Variants in SQOR observed in about 807,000 individuals in gnomAD.
The protein encoded by SQOR is sulfide quinone oxidoreductase.
SQOR carries 39 observed loss-of-function variants against 48.6 expected under a neutral mutation model. The ratio of observed to expected loss-of-function variants is 0.80; its 90% confidence interval spans 0.62 to 1.05. SQOR has a LOEUF of 1.05. Among genes scored for constraint, SQOR ranks in the 50% least tolerant of loss-of-function variants. The probability of loss-of-function intolerance (pLI) is 0.00; values close to 1 mark genes in which losing one functional copy is unlikely to be tolerated. For missense variants in SQOR, 561 were observed against 559.9 expected (o/e 1.00, Z -0.02); for synonymous variants, 220 against 206.2 (o/e 1.07, Z -0.57).
intron 6 of SQOR, among the ~76,000 whole-genome samples, chr15:45,681,154 G>C (rs1406944895): frequency 2.0e-5 from 3 of 152,242 alleles, no homozygotes; most frequent in Non-Finnish European, 2.9e-5. Context: ...AGTGAGCTAT[G>C]ATCAAGCCAC....
Position 45,673,724 on chromosome 15 carries a change from A to C in SQOR, c.577A>C (p.Thr193Pro). Residue 193 changes from threonine to proline, a missense_variant, in exon 5 of 10, where the codon ACC becomes CCC. By Grantham distance (38) the Thr-to-Pro change is conservative (BLOSUM62 -1). Transcript: ENST00000260324. ...CTTCAAAGAGGGCAATGCCATCTTC[A>C]CCTTCCCAAATACTCCAGTGAAGTG... is the stretch of plus-strand genomic sequence containing the variant. ...QDFKEGNAIF[T>P]FPNTPVKCAG... 2 of 1,614,236 alleles carry C rather than the reference A, an allele frequency of 1.2e-6. No homozygotes were observed. Among genetic ancestry groups the C allele is most frequent in the Non-Finnish European group, 1.7e-6 (2 of 1,180,038 alleles).
At chr15:45,656,157 T>A (rs1376824335) in intron 1 of SQOR, among the ~76,000 whole-genome samples, 1 of 152,132 alleles carries the variant, frequency 6.6e-6, no homozygotes, top group Non-Finnish European at 1.5e-5. Context: ...TATATAACTT[T>A]GAGAGTCACT....
In SQOR at chr15:45,658,991, G is replaced by A. The variant is rs1219532967; in HGVS notation, c.68G>A (p.Gly23Asp). 4 of 1,601,816 alleles carry A rather than the reference G, an allele frequency of 2.5e-6. No homozygotes were observed. The highest frequency in any genetic ancestry group is 1.7e-5 in the Admixed American group (1 of 58,486). The change falls in exon 2 of 10, where the codon GGC becomes GAC. Residue 23 changes from glycine (G) to aspartate (D), a missense_variant. By Grantham distance (94) the Gly-to-Asp change is moderately conservative. Transcript: ENST00000260324. Reference protein sequence around the residue: ...AQLFACLLRLGTQQVGPLQLH... With the variant: ...AQLFACLLRLDTQQVGPLQLH... ...CTCTTTGCCTGCCTGCTCAGGCTGG[G>A]CACTCAGCAGGTCGGCCCCCTTCAG...
chr15:45,691,143 A>G lies in SQOR; in HGVS notation c.*113A>G. On this transcript the variant is annotated 3_prime_UTR_variant, in exon 10 of 10. Transcript: ENST00000260324. The stretch of plus-strand genomic sequence containing the variant: ...ACCTATCCTTGTAAAGAGTTCCTTG[A>G]TGGGTAATGGTGACCAAATGCCTCC... 1 of 919,472 alleles carries G rather than the reference A, an allele frequency of 1.1e-6. No individual in the cohort carries two copies. The highest frequency in any genetic ancestry group is 1.3e-5 in the South Asian group (1 of 74,564). The allele number at this position is 919,472 out of a possible 1,614,324, so 57.0% of individuals were successfully genotyped here.
chr15:45,660,989 G>A (rs1444760402), intron 2 of SQOR, among the ~76,000 whole-genome samples: 1 of 152,058 alleles, frequency 6.6e-6, no homozygotes, highest in Admixed American at 6.6e-5. Flanking sequence ...CTTAGATCAA[G>A]AATGGACTGT....
chr15:45,660,321 A>G, intron 2 of SQOR, among the ~76,000 whole-genome samples: 1 of 152,190 alleles, frequency 6.6e-6, no homozygotes, highest in Non-Finnish European at 1.5e-5. Context: ...AGAGGAAACT[A>G]GGGGGCAGTC....
upstream of SQOR, among the ~76,000 whole-genome samples, chr15:45,633,802 T>C (rs1250334321): frequency 6.6e-6 from 1 of 152,096 alleles, no homozygotes. Context: ...TGTATTGTAT[T>C]GTTCATGATG....
At chr15:45,649,927 C>T (rs1040328088) in intron 1 of SQOR, among the ~76,000 whole-genome samples, 1 of 152,150 alleles carries the variant, frequency 6.6e-6, no homozygotes, top group Non-Finnish European at 1.5e-5. Context: ...ACTGCAACCT[C>T]TGCCTCCCGG....
chr15:45,638,967 G>C (rs1895059930), intron 1 of SQOR, among the ~76,000 whole-genome samples: 1 of 152,162 alleles, frequency 6.6e-6, no homozygotes, highest in South Asian at 2.1e-4. Flanking sequence ...CCAGAACTTT[G>C]AGAAAATAAA....
chr15:45,645,199 AGAG>A (rs1895183204), intron 1 of SQOR, among the ~76,000 whole-genome samples: 1 of 152,210 alleles, frequency 6.6e-6, no homozygotes, highest in African/African-American at 2.4e-5. Flanking sequence ...TTTTGGATTA[AGAG>A]GAGATTATGC....
chr15:45,665,904 C>T (rs1889808390), intron 3 of SQOR, among the ~76,000 whole-genome samples: 1 of 152,110 alleles, frequency 6.6e-6, no homozygotes, highest in African/African-American at 2.4e-5. Context: ...TTAGTTTACA[C>T]TTTCCCACCT....
intron 5 of SQOR, among the ~76,000 whole-genome samples, chr15:45,675,399 AT>A (rs201693476): frequency 6.7e-4 from 97 of 144,278 alleles, no homozygotes; most frequent in East Asian, 6.1e-4. Context: ...TAGTTTGTTT[AT>A]TTTTTTTTTT....
chr15:45,667,933 CTTTCTTTCTTTTTT>C (rs1889866303), intron 3 of SQOR, among the ~76,000 whole-genome samples: 1 of 104,834 alleles, frequency 9.5e-6, no homozygotes, highest in Admixed American at 1.0e-4. Flanking sequence ...TTATTTCTTT[CTTTCTTTCTTTTTT>C]TTTTTTTTTT....
At chr15:45,654,911 C>T (rs1392271044) in intron 1 of SQOR, among the ~76,000 whole-genome samples, 2 of 152,156 alleles carry the variant, frequency 1.3e-5, no homozygotes, top group Admixed American at 1.3e-4. Flanking sequence ...CCTCCCCACC[C>T]TCATCTTATT....
At chr15:45,674,796 G>C (rs1890006411) in intron 5 of SQOR, among the ~76,000 whole-genome samples, 1 of 152,202 alleles carries the variant, frequency 6.6e-6, no homozygotes, top group Non-Finnish European at 1.5e-5. Context: ...AGCTGTTCTT[G>C]CCCTCCCTGC....
At chr15:45,638,389 C>T (rs532359953) in intron 1 of SQOR, among the ~76,000 whole-genome samples, 35 of 152,118 alleles carry the variant, frequency 2.3e-4, no homozygotes, top group African/African-American at 8.0e-4. Flanking sequence ...CTCAGAAGTT[C>T]GAGGCTAGCC....
intron 1 of SQOR, among the ~76,000 whole-genome samples, chr15:45,656,827 C>T (rs1166616531): frequency 1.3e-5 from 2 of 151,902 alleles, no homozygotes; most frequent in Non-Finnish European, 2.9e-5. Context: ...TTTTTTCAGA[C>T]AGAGTCTCAC....
chr15:45,641,313 C>T lies in SQOR; in HGVS notation c.-18+6205C>T, dbSNP rs539714069. 1.2e-4 allele frequency among the ~76,000 whole-genome samples: 19 copies of T among 152,268 alleles called. 1 individual carries two copies. Among genetic ancestry groups the T allele is most frequent in the African/African-American group, 4.1e-4 (17 of 41,562 alleles). ...AGCCACTGTTTCATTGTAAAGTCCT[C>T]ATTAGCAACTCTTAATCAGTAACTC... On this transcript the variant is annotated intron_variant, in intron 1 of 9. Coordinates refer to ENST00000260324, the MANE Select transcript of SQOR (RefSeq NM_021199.4).
At chr15:45,636,161 A>G (rs1313816078) in intron 1 of SQOR, among the ~76,000 whole-genome samples, 1 of 152,140 alleles carries the variant, frequency 6.6e-6, no homozygotes, top group Non-Finnish European at 1.5e-5. Context: ...ATAAAACAAA[A>G]GGAAGAGTAT....
Sources: allele counts gnomAD v4.1 joint callset (sites outside exome capture counted in the v4.1 genomes callset), GRCh38; gene constraint gnomAD v4.1.1; transcripts MANE v1.5; gene names NCBI Gene and HGNC (gene_info 2026-07-23, HGNC 2026-07-21).